The following PATJ variants were observed in gnomAD, a reference collection of about 807,000 sequenced individuals.
PATJ encodes the protein PATJ crumbs cell polarity complex component.
A neutral mutation model predicts 224.9 loss-of-function variants in PATJ; 190 were observed. That is an observed-to-expected ratio of 0.84 (90% CI 0.75 to 0.95). PATJ has a LOEUF of 0.95. Among genes scored for constraint, PATJ ranks in the 40% least tolerant of loss-of-function variants. The pLI is 0.00. For synonymous variants in PATJ, 769 were observed against 820.3 expected, an observed-to-expected ratio of 0.94 and a Z score of 1.07; for missense variants, 2,121 against 2,270.3, an observed-to-expected ratio of 0.93 and a Z score of 1.34.
chr1:61,943,271 G>A (rs1276746807), intron 27 of PATJ, among the ~76,000 whole-genome samples: 2 of 152,198 alleles, frequency 1.3e-5, no homozygotes, highest in African/African-American at 4.8e-5. Context: ...GACAGTAGGT[G>A]CAGCCCATGG....
chr1:62,158,624 G>T (rs1195828342), intron 43 of PATJ, among the ~76,000 whole-genome samples: 1 of 148,310 alleles, frequency 6.7e-6, no homozygotes, highest in East Asian at 1.9e-4. Flanking sequence ...GGGAGGCTGA[G>T]GCAGGAGAAT....
chr1:61,991,730 A>T, intron 28 of PATJ: 1 of 984,082 alleles, frequency 1.0e-6, no homozygotes, highest in South Asian at 4.7e-5. Flanking sequence ...ACTGACTAGC[A>T]TAATCATTAC....
chr1:62,160,868 G>A, intron 43 of PATJ, 40 bp from the exon 44 acceptor site: 3 of 1,608,638 alleles, frequency 1.9e-6, no homozygotes, highest in Non-Finnish European at 2.6e-6. Context: ...TATAAACTGT[G>A]TTTTACCCTG....
chr1:62,132,138 A>G (rs934479286), intron 41 of PATJ, among the ~76,000 whole-genome samples: 5 of 152,174 alleles, frequency 3.3e-5, no homozygotes, highest in Non-Finnish European at 7.3e-5. Flanking sequence ...ATGAGCCACC[A>G]CGCCCAGCTG....
intron 27 of PATJ, among the ~76,000 whole-genome samples, chr1:61,963,385 A>G (rs1051667769): frequency 2.0e-5 from 3 of 152,110 alleles, no homozygotes; most frequent in African/African-American, 4.8e-5. Flanking sequence ...GCTTGAGGTC[A>G]GGAGTTTGAG....
chr1:62,027,936 C>A (rs541095894), intron 29 of PATJ, among the ~76,000 whole-genome samples: 2 of 151,920 alleles, frequency 1.3e-5, no homozygotes, highest in East Asian at 3.9e-4. Context: ...TCATAAGTTG[C>A]CTGTTCACTC....
At chr1:61,842,761 A>AT (rs1661304865) in intron 17 of PATJ, among the ~76,000 whole-genome samples, 1 of 6,802 alleles carries the variant, frequency 1.5e-4, no homozygotes, top group Non-Finnish European at 4.1e-4. Flanking sequence ...CAGAACAGCT[A>AT]TTAAAAAAAA....
intron 21 of PATJ, among the ~76,000 whole-genome samples, chr1:61,877,599 G>A (rs1025514692): frequency 1.8e-4 from 27 of 151,810 alleles, no homozygotes; most frequent in East Asian, 9.7e-4. Context: ...CCCCCTTTGC[G>A]CATGCTTTCT....
At chr1:62,013,221 C>T (rs1160239578) in intron 28 of PATJ, 1 of 296,854 alleles carries the variant, frequency 3.4e-6, no homozygotes, top group Non-Finnish European at 5.0e-6. Context: ...ACCATAGATT[C>T]TATTCTACCA....
intron 14 of PATJ, among the ~76,000 whole-genome samples, chr1:61,813,373 A>ATC (rs1655331286): frequency 2.4e-5 from 1 of 42,310 alleles, no homozygotes; most frequent in Non-Finnish European, 4.9e-5. Flanking sequence ...ATATATATAT[A>ATC]TATATACACA....
intron 24 of PATJ, among the ~76,000 whole-genome samples, chr1:61,906,958 G>A (rs1222994986): frequency 6.6e-6 from 1 of 152,180 alleles, no homozygotes; most frequent in Admixed American, 6.5e-5. Context: ...TATGTCATGG[G>A]AGGGACCCAG....
chr1:62,157,215 T>C (rs544083756), intron 43 of PATJ, among the ~76,000 whole-genome samples: 1 of 151,582 alleles, frequency 6.6e-6, no homozygotes, highest in South Asian at 2.1e-4. Context: ...TCCAAGCTAC[T>C]CGGGAGGCTG....
chr1:61,969,442 A>G (rs191172076), intron 27 of PATJ, among the ~76,000 whole-genome samples: 1 of 152,210 alleles, frequency 6.6e-6, no homozygotes, highest in Admixed American at 6.5e-5. Flanking sequence ...GTGATACCTC[A>G]TTGTGATTTT....
chr1:62,010,627 G>T (rs1032852583), intron 28 of PATJ, among the ~76,000 whole-genome samples: 52 of 152,104 alleles, frequency 3.4e-4, no homozygotes, highest in African/African-American at 1.2e-3. Context: ...TCTTTGTTAT[G>T]GCTGAATATT....
chr1:61,795,584 T>C (rs767951401), intron 10 of PATJ, 26 bp downstream of exon 10: 6 of 1,417,398 alleles, frequency 4.2e-6, no homozygotes, highest in Non-Finnish European at 6.0e-6. Flanking sequence ...CTGTTTTAGG[T>C]TTGATTCTAG....
chr1:61,964,854 G>A (rs1033204800), intron 27 of PATJ, among the ~76,000 whole-genome samples: 3 of 151,912 alleles, frequency 2.0e-5, no homozygotes, highest in Non-Finnish European at 4.4e-5. Flanking sequence ...GCCGATGCCT[G>A]TAATCCCAGC....
chr1:61,834,132 C>T (rs1468400995), intron 17 of PATJ, among the ~76,000 whole-genome samples: 1 of 152,136 alleles, frequency 6.6e-6, no homozygotes, highest in Non-Finnish European at 1.5e-5. Context: ...GCATACAGTT[C>T]AGTCGTTTTT....
At chr1:61,913,269 C>T (rs1364574809) in intron 25 of PATJ, among the ~76,000 whole-genome samples, 1 of 152,172 alleles carries the variant, frequency 6.6e-6, no homozygotes, top group South Asian at 2.1e-4. Context: ...GGATCTTGCC[C>T]TGTCACCCAG....
At chr1:62,050,440 T>C (rs1653395137) in intron 30 of PATJ, among the ~76,000 whole-genome samples, 1 of 152,252 alleles carries the variant, frequency 6.6e-6, no homozygotes, top group Non-Finnish European at 1.5e-5. Flanking sequence ...TGTCTACATT[T>C]GCTTTGTAAC....
Sources: allele counts gnomAD v4.1 joint callset (sites outside exome capture counted in the v4.1 genomes callset), GRCh38; gene constraint gnomAD v4.1.1; transcripts MANE v1.5; gene names NCBI Gene and HGNC (gene_info 2026-07-23, HGNC 2026-07-21).